KLHL25: variants seen among roughly 807,000 people sequenced by gnomAD.
KLHL25 encodes kelch-like protein 25.
In KLHL25, 41 loss-of-function variants were observed where a neutral mutation model predicts 30.0. The observed-to-expected ratio is 1.37, with a 90% CI of 1.07 to 1.78. The LOEUF (loss-of-function observed/expected upper bound fraction) is 1.78, where lower values mean the gene tolerates loss of function less well. Ranked by LOEUF, KLHL25 falls within the 40% of genes most tolerant of loss-of-function variation. The pLI, the probability that KLHL25 is intolerant of heterozygous loss-of-function variation, is 0.00. For missense variants in KLHL25, 971 were observed against 824.5 expected, an observed-to-expected ratio of 1.18 and a Z score of -2.18; for synonymous variants, 399 against 355.3, an observed-to-expected ratio of 1.12 and a Z score of -1.38.
At chr15:85,773,211 G>A (rs187596119) in intron 1 of KLHL25, among the ~76,000 whole-genome samples, 16 of 152,198 alleles carry the variant, frequency 1.1e-4, no homozygotes, top group East Asian at 3.9e-4. Context: ...GACAGATCCC[G>A]GCACAGAGGT....
At chr15:85,770,093 G>A (rs1257175237) in intron 1 of KLHL25, among the ~76,000 whole-genome samples, 3 of 152,222 alleles carry the variant, frequency 2.0e-5, no homozygotes, top group African/African-American at 7.2e-5. Flanking sequence ...CCACCCCCTA[G>A]GCAAGCTCCA....
At chr15:85,784,829 G>A (rs1027494467) in intron 1 of KLHL25, among the ~76,000 whole-genome samples, 17 of 152,192 alleles carry the variant, frequency 1.1e-4, no homozygotes, top group Admixed American at 2.0e-4. Context: ...CCTAAGTAGA[G>A]AACCCAGTCA....
At chr15:85,770,595 G>C (rs754574143) in intron 1 of KLHL25, 10 of 529,502 alleles carry the variant, frequency 1.9e-5, no homozygotes, top group Non-Finnish European at 3.9e-5. Flanking sequence ...ATGGCTTGGA[G>C]GTGGGGCCGC....
At chr15:85,770,907 G>T (rs1227095911) in intron 1 of KLHL25, 10 of 293,892 alleles carry the variant, frequency 3.4e-5, no homozygotes, top group Non-Finnish European at 6.6e-5. Context: ...AATGTCCAGT[G>T]AATGGCATGA....
At chr15:85,765,144 G>A (rs909410047) in intron 2 of KLHL25, among the ~76,000 whole-genome samples, 1 of 152,156 alleles carries the variant, frequency 6.6e-6, no homozygotes, top group African/African-American at 2.4e-5. Context: ...CCCTCACACT[G>A]CCCAGCCCGG....
chr15:85,779,924 C>G (rs929272530), intron 1 of KLHL25, among the ~76,000 whole-genome samples: 2 of 152,210 alleles, frequency 1.3e-5, no homozygotes, highest in African/African-American at 4.8e-5. Context: ...TCACTGTATT[C>G]TCTTGAGATA....
chr15:85,766,064 T>C (rs1303669318), intron 2 of KLHL25, among the ~76,000 whole-genome samples: 1 of 152,192 alleles, frequency 6.6e-6, no homozygotes. Context: ...TAAGAATGAC[T>C]GCCTTCACTG....
intron 1 of KLHL25, among the ~76,000 whole-genome samples, chr15:85,788,946 T>C (rs1232745047): frequency 2.6e-5 from 4 of 152,128 alleles, no homozygotes; most frequent in African/African-American, 4.8e-5. Flanking sequence ...AGCTCCTCCA[T>C]CTCTTGGCCC....
chr15:85,780,101 G>A (rs2089734121), intron 1 of KLHL25, among the ~76,000 whole-genome samples: 1 of 152,168 alleles, frequency 6.6e-6, no homozygotes, highest in Non-Finnish European at 1.5e-5. Context: ...GGAAGGTGCC[G>A]CCTGGCTTCT....
At chr15:85,778,669 G>A (rs892947294) in intron 1 of KLHL25, among the ~76,000 whole-genome samples, 2 of 152,206 alleles carry the variant, frequency 1.3e-5, no homozygotes, top group African/African-American at 4.8e-5. Context: ...GACTGGGGAA[G>A]GGGCGGCGTT....
In KLHL25 at chr15:85,771,907, T is replaced by C. The variant is rs372661418; in HGVS notation, c.-10-2087A>G. Among the ~76,000 whole-genome samples the C allele has an allele frequency of 1.4e-4, 22 of 152,346 alleles. No individual in the cohort carries two copies. In the East Asian group the frequency reaches 4.0e-3, roughly 28 times the overall value. On this transcript the variant is annotated intron_variant, in intron 1 of 2. Coordinates refer to ENST00000337975, the MANE Select transcript of KLHL25 (RefSeq NM_022480.4). ...CTCGAAGCTGGGCCCTCAGATGCAG[T>C]GGCACGGAGCCTGAGAGACTGCGCT...
At chr15:85,784,807 G>T (rs1386313922) in intron 1 of KLHL25, among the ~76,000 whole-genome samples, 2 of 152,168 alleles carry the variant, frequency 1.3e-5, no homozygotes, top group African/African-American at 2.4e-5. Flanking sequence ...CTTGATTTTG[G>T]ACTTGTGAGA....
intron 1 of KLHL25, among the ~76,000 whole-genome samples, chr15:85,771,785 C>T (rs923150911): frequency 2.6e-5 from 4 of 152,218 alleles, no homozygotes; most frequent in Non-Finnish European, 4.4e-5. Flanking sequence ...GCTCCACCTC[C>T]ATCCTGTACC....
intron 1 of KLHL25, among the ~76,000 whole-genome samples, chr15:85,791,690 T>C (rs1322123325): frequency 6.6e-6 from 1 of 151,940 alleles, no homozygotes; most frequent in Non-Finnish European, 1.5e-5. Context: ...GCACCCAACC[T>C]CAATTCTGCA....
rs530077427 is a variant in KLHL25, at chr15:85,784,539, T to C, written c.-11+10227A>G. Reference sequence around the variant, plus strand: ...CAGCGAAACTCCATCTCAAAAAAAATAAAAAAATAAAAAAAAAAGCAGAGT... The same window carrying C: ...CAGCGAAACTCCATCTCAAAAAAAACAAAAAAATAAAAAAAAAAGCAGAGT... On this transcript the variant is annotated intron_variant, in intron 1 of 2. Transcript: ENST00000337975. Among the ~76,000 whole-genome samples the C allele has an allele frequency of 1.1e-4, 12 of 113,044 alleles. No individual in the cohort carries two copies. The South Asian group carries it at 2.5e-3, about 24-fold the overall frequency. 74.2% of individuals were successfully genotyped at this position (113,044 alleles called of 152,430 possible). A position where few individuals can be genotyped will look rare whatever the true frequency, so the allele number is the denominator to read the frequency against.
In KLHL25 at chr15:85,769,516, C is replaced by T. The variant is rs1330502660; in HGVS notation, c.295G>A (p.Glu99Lys). ...FQDNLHPEVLELLLDFAYSSR... is the reference protein window; with the variant it reads ...FQDNLHPEVLKLLLDFAYSSR... ...GAGTAGGCAAAGTCCAGCAGCAGCTCCAGCACCTCCGGGTGCAGGTTGTCC... is the reference window on the plus strand; with the variant it reads ...GAGTAGGCAAAGTCCAGCAGCAGCTTCAGCACCTCCGGGTGCAGGTTGTCC... Residue 99 changes from glutamate (E) to lysine (K), a missense_variant, in exon 2 of 3, where the codon GAG becomes AAG. By Grantham distance (56) the Glu-to-Lys change is moderately conservative. Coordinates refer to ENST00000337975, the MANE Select transcript of KLHL25 (RefSeq NM_022480.4). 3 of 1,613,982 alleles carry T rather than the reference C, an allele frequency of 1.9e-6. No homozygotes were observed. The highest frequency in any genetic ancestry group is 2.5e-6 in the Non-Finnish European group (3 of 1,180,048).
intron 1 of KLHL25, among the ~76,000 whole-genome samples, chr15:85,781,644 G>C (rs1469202533): frequency 6.6e-6 from 1 of 151,932 alleles, no homozygotes; most frequent in Admixed American, 6.6e-5. Context: ...CCACCATGCC[G>C]GCTAATTTTT....
At chr15:85,790,623 C>A (rs904033825) in intron 1 of KLHL25, among the ~76,000 whole-genome samples, 1 of 152,154 alleles carries the variant, frequency 6.6e-6, no homozygotes, top group Non-Finnish European at 1.5e-5. Context: ...TGGGGCCAAG[C>A]ACGACTCCCC....
At chr15:85,784,118 A>G (rs2089763555) in intron 1 of KLHL25, among the ~76,000 whole-genome samples, 1 of 152,178 alleles carries the variant, frequency 6.6e-6, no homozygotes, top group South Asian at 2.1e-4. Context: ...CATGACAGAG[A>G]TTTTCAAATC....
Sources: allele counts gnomAD v4.1 joint callset (sites outside exome capture counted in the v4.1 genomes callset), GRCh38; gene constraint gnomAD v4.1.1; transcripts MANE v1.5; gene names NCBI Gene and HGNC (gene_info 2026-07-23, HGNC 2026-07-21).